DLG2: variants seen among roughly 807,000 people sequenced by gnomAD.
The protein encoded by DLG2 is discs large MAGUK scaffold protein 2, also known as disks large homolog 2.
In DLG2, 45 loss-of-function variants were observed where a neutral mutation model predicts 132.5. The ratio of observed to expected loss-of-function variants is 0.34; its 90% CI spans 0.27 to 0.44. DLG2 has a LOEUF of 0.44. DLG2 is among the 20% of genes least tolerant of loss of function. The pLI, the probability that DLG2 is intolerant of heterozygous loss-of-function variation, is 1.00. For missense variants in DLG2, 1,045 were observed against 1,196.9 expected, an observed-to-expected ratio of 0.87 and a Z score of 1.87; for synonymous variants, 424 against 419.6, an observed-to-expected ratio of 1.01 and a Z score of -0.13.
intron 17 of DLG2, among the ~76,000 whole-genome samples, chr11:83,794,037 G>C (rs2042192607): frequency 6.6e-6 from 1 of 152,172 alleles, no homozygotes; most frequent in South Asian, 2.1e-4. Context: ...GACCAGCCAA[G>C]CGCTCCTCTT....
At chr11:83,497,160 T>C (rs2094187249) in intron 21 of DLG2, among the ~76,000 whole-genome samples, 1 of 152,122 alleles carries the variant, frequency 6.6e-6, no homozygotes, top group African/African-American at 2.4e-5. Flanking sequence ...ACTATGAGTA[T>C]GGAGAGAAAA....
chr11:85,324,112 G>C (rs865776775), intron 3 of DLG2, among the ~76,000 whole-genome samples: 1 of 152,018 alleles, frequency 6.6e-6, no homozygotes, highest in South Asian at 2.1e-4. Flanking sequence ...TGGGGTAGGG[G>C]GTCACACAGT....
intron 6 of DLG2, among the ~76,000 whole-genome samples, chr11:84,791,921 A>G (rs554774902): frequency 6.6e-6 from 1 of 152,188 alleles, no homozygotes; most frequent in South Asian, 2.1e-4. Context: ...AATGCCTTTT[A>G]TATCTTTCTA....
At chr11:84,156,255 T>C (rs1175387683) in intron 9 of DLG2, among the ~76,000 whole-genome samples, 1 of 152,206 alleles carries the variant, frequency 6.6e-6, no homozygotes, top group Non-Finnish European at 1.5e-5. Context: ...CTTATGACAT[T>C]AGCAAATGCA....
intron 18 of DLG2, among the ~76,000 whole-genome samples, chr11:83,747,306 T>C (rs572887051): frequency 6.7e-6 from 1 of 148,868 alleles, no homozygotes; most frequent in African/African-American, 2.5e-5. Flanking sequence ...CTTCCTTCCT[T>C]CCTTCCTTCC....
At chr11:83,765,099 G>A (rs1159580785) in intron 18 of DLG2, among the ~76,000 whole-genome samples, 4 of 152,200 alleles carry the variant, frequency 2.6e-5, no homozygotes, top group Non-Finnish European at 5.9e-5. Flanking sequence ...TTAGAAAAAA[G>A]TAATGTTTGA....
chr11:84,626,416 C>T (rs995772332), intron 6 of DLG2, among the ~76,000 whole-genome samples: 6 of 152,132 alleles, frequency 3.9e-5, no homozygotes, highest in African/African-American at 1.4e-4. Context: ...TATCTGGAAT[C>T]CTCCTCCACA....
chr11:84,529,382 T>C (rs1218394511), intron 7 of DLG2, among the ~76,000 whole-genome samples: 1 of 152,102 alleles, frequency 6.6e-6, no homozygotes, highest in African/African-American at 2.4e-5. Context: ...TATGATGCTA[T>C]ACCTAGAAAA....
intron 2 of DLG2, among the ~76,000 whole-genome samples, chr11:85,613,771 C>G (rs962613021): frequency 6.6e-6 from 1 of 152,214 alleles, no homozygotes; most frequent in Non-Finnish European, 1.5e-5. Context: ...GCAGCAGCAA[C>G]CCGCTTGGGT....
intron 17 of DLG2, chr11:83,790,271 G>C (rs143241423): frequency 1.1e-6 from 1 of 924,480 alleles, no homozygotes; most frequent in Non-Finnish European, 1.8e-6. Context: ...CCTACCATTT[G>C]AGTGCCCAAG....
At chr11:85,237,379 G>A (rs2075643285) in intron 4 of DLG2, among the ~76,000 whole-genome samples, 1 of 152,000 alleles carries the variant, frequency 6.6e-6, no homozygotes, top group Admixed American at 6.6e-5. Context: ...TGAGAACCAA[G>A]TACAATAATT....
chr11:84,419,626 T>C (rs2098941647), intron 7 of DLG2, among the ~76,000 whole-genome samples: 1 of 152,120 alleles, frequency 6.6e-6, no homozygotes, highest in Non-Finnish European at 1.5e-5. Flanking sequence ...AGACAATAAA[T>C]TATATCTTCA....
intron 18 of DLG2, among the ~76,000 whole-genome samples, chr11:83,717,499 T>C (rs2087004351): frequency 6.6e-6 from 1 of 152,086 alleles, no homozygotes; most frequent in East Asian, 1.9e-4. Context: ...AGTCCAGTAG[T>C]AATAGTTGGG....
chr11:84,561,562 T>A (rs1325248461), intron 6 of DLG2, among the ~76,000 whole-genome samples: 2 of 152,146 alleles, frequency 1.3e-5, no homozygotes, highest in African/African-American at 4.8e-5. Flanking sequence ...GAGGAGACTA[T>A]GTTTTAATTG....
At chr11:85,361,630 C>CATG (rs1268815054) in intron 3 of DLG2, among the ~76,000 whole-genome samples, 3 of 152,196 alleles carry the variant, frequency 2.0e-5, no homozygotes, top group African/African-American at 7.2e-5. Flanking sequence ...CTGCAAAAGA[C>CATG]ATGATTTCAG....
chr11:83,579,235 T>C (rs1488874836), intron 19 of DLG2, among the ~76,000 whole-genome samples: 1 of 152,260 alleles, frequency 6.6e-6, no homozygotes, highest in African/African-American at 2.4e-5. Context: ...AAATAAAATG[T>C]TGCATTTATT....
chr11:84,571,458 C>G (rs2099484670), intron 6 of DLG2, among the ~76,000 whole-genome samples: 1 of 151,982 alleles, frequency 6.6e-6, no homozygotes, highest in South Asian at 2.1e-4. Flanking sequence ...CCCAACAGAA[C>G]TCTTAAAATG....
intron 7 of DLG2, among the ~76,000 whole-genome samples, chr11:84,399,874 G>T (rs776336944): frequency 1.3e-5 from 2 of 152,206 alleles, no homozygotes; most frequent in Non-Finnish European, 2.9e-5. Context: ...TGTTCAGCAC[G>T]TCTGGCCCAC....
chr11:83,813,690 T>C (rs186021496), intron 17 of DLG2, among the ~76,000 whole-genome samples: 8 of 152,288 alleles, frequency 5.3e-5, no homozygotes, highest in Non-Finnish European at 8.8e-5. Flanking sequence ...TTGGTTCTAA[T>C]GGCATTTTCT....
Sources: allele counts gnomAD v4.1 joint callset (sites outside exome capture counted in the v4.1 genomes callset), GRCh38; gene constraint gnomAD v4.1.1; transcripts MANE v1.5; gene names NCBI Gene and HGNC (gene_info 2026-07-23, HGNC 2026-07-21).